The following GRID2 variants were observed in gnomAD, a reference collection of about 807,000 sequenced individuals.
The protein encoded by GRID2 is glutamate ionotropic receptor delta type subunit 2, also known as glutamate receptor ionotropic, delta-2.
In GRID2, 33 loss-of-function variants were observed where a neutral mutation model predicts 114.8. The ratio of observed to expected loss-of-function variants is 0.29; its 90% CI spans 0.22 to 0.38. The LOEUF (loss-of-function observed/expected upper bound fraction) is 0.38, where lower values mean the gene tolerates loss of function less well. Ranked by LOEUF, GRID2 falls within the 10% of genes least tolerant of loss-of-function variation. GRID2 has a pLI of 1.00. For synonymous variants in GRID2, 505 were observed against 449.9 expected, an observed-to-expected ratio of 1.12 and a Z score of -1.55; for missense variants, 1,184 against 1,257.7, an observed-to-expected ratio of 0.94 and a Z score of 0.89.
intron 1 of GRID2, among the ~76,000 whole-genome samples, chr4:92,582,696 C>CT (rs1728238652): frequency 6.6e-6 from 1 of 151,814 alleles, no homozygotes; most frequent in African/African-American, 2.4e-5. Flanking sequence ...GGTGTTGTGG[C>CT]TTATGCCTGT....
chr4:93,479,499 T>C (rs1040830422), intron 11 of GRID2, among the ~76,000 whole-genome samples: 14 of 152,026 alleles, frequency 9.2e-5, no homozygotes, highest in Admixed American at 9.2e-4. Context: ...CTAGAGATTC[T>C]GAAACACTAA....
chr4:92,962,130 G>T (rs529899702), intron 2 of GRID2, among the ~76,000 whole-genome samples: 83 of 151,934 alleles, frequency 5.5e-4, no homozygotes, highest in African/African-American at 2.0e-3. Context: ...AAAATTCCCA[G>T]TCTGATAATT....
intron 2 of GRID2, among the ~76,000 whole-genome samples, chr4:92,814,727 A>G (rs751105873): frequency 2.0e-5 from 3 of 152,156 alleles, no homozygotes; most frequent in Non-Finnish European, 4.4e-5. Flanking sequence ...ATGCAAAGCA[A>G]CTTAAGGGGG....
chr4:92,392,819 G>A (rs912345469), intron 1 of GRID2, among the ~76,000 whole-genome samples: 1 of 151,664 alleles, frequency 6.6e-6, no homozygotes, highest in South Asian at 2.1e-4. Flanking sequence ...TTTCTTTATC[G>A]CCTTCCTTAC....
At chr4:93,097,077 A>G (rs1302311899) in intron 3 of GRID2, among the ~76,000 whole-genome samples, 1 of 152,012 alleles carries the variant, frequency 6.6e-6, no homozygotes, top group Non-Finnish European at 1.5e-5. Context: ...AAGTCCAGTA[A>G]ATACAAAACT....
chr4:93,150,701 G>A (rs1331582155), intron 4 of GRID2, among the ~76,000 whole-genome samples: 1 of 151,840 alleles, frequency 6.6e-6, no homozygotes. Context: ...GTGCTCCCTT[G>A]TCCCTATTTG....
chr4:92,411,653 G>GTATATA (rs770186876), intron 1 of GRID2, among the ~76,000 whole-genome samples: 1,089 of 98,744 alleles, frequency 0.011, 19 homozygotes, highest in Admixed American at 0.015. Flanking sequence ...GTGTGTGTGT[G>GTATATA]TGTATATATA....
intron 10 of GRID2, among the ~76,000 whole-genome samples, chr4:93,429,625 T>C (rs1769207979): frequency 6.6e-6 from 1 of 151,964 alleles, no homozygotes; most frequent in South Asian, 2.1e-4. Context: ...ATGACAAGAA[T>C]TTTACTCCCC....
chr4:92,778,959 C>A (rs1396853211), intron 2 of GRID2, among the ~76,000 whole-genome samples: 1 of 152,014 alleles, frequency 6.6e-6, no homozygotes, highest in Non-Finnish European at 1.5e-5. Flanking sequence ...AAGAATGACA[C>A]CCTATCACCC....
intron 4 of GRID2, among the ~76,000 whole-genome samples, chr4:93,205,990 C>A (rs907337013): frequency 1.3e-5 from 2 of 152,084 alleles, no homozygotes; most frequent in Admixed American, 1.3e-4. Context: ...CCTTCGCTCA[C>A]TTCACACCAG....
intron 9 of GRID2, among the ~76,000 whole-genome samples, chr4:93,410,802 C>T (rs1579991181): frequency 6.6e-6 from 1 of 152,188 alleles, no homozygotes; most frequent in African/African-American, 2.4e-5. Flanking sequence ...AGGCTGATCT[C>T]GAACTCCTGA....
At chr4:93,474,752 A>G (rs1475652449) in intron 11 of GRID2, among the ~76,000 whole-genome samples, 2 of 152,080 alleles carry the variant, frequency 1.3e-5, no homozygotes, top group African/African-American at 4.8e-5. Context: ...GCCTGTGATC[A>G]TATATTGTAT....
At chr4:92,554,048 TAAACATGAA>T (rs1197031100) in intron 1 of GRID2, among the ~76,000 whole-genome samples, 2 of 152,170 alleles carry the variant, frequency 1.3e-5, no homozygotes, top group South Asian at 4.1e-4. Flanking sequence ...AACATTATGT[TAAACATGAA>T]AAACATGAAA....
chr4:93,327,868 T>C (rs1560503799), intron 8 of GRID2, among the ~76,000 whole-genome samples: 1 of 152,094 alleles, frequency 6.6e-6, no homozygotes, highest in Non-Finnish European at 1.5e-5. Flanking sequence ...AAATTACACT[T>C]GTACCCCATA....
chr4:93,230,449 T>C (rs546989979), intron 7 of GRID2, among the ~76,000 whole-genome samples: 1 of 152,264 alleles, frequency 6.6e-6, no homozygotes, highest in South Asian at 2.1e-4. Context: ...GAAAAGAGGA[T>C]TTTTAAAAAT....
chr4:93,425,461 G>A (rs1219740850), intron 10 of GRID2, among the ~76,000 whole-genome samples: 1 of 152,082 alleles, frequency 6.6e-6, no homozygotes, highest in African/African-American at 2.4e-5. Flanking sequence ...GAAAGCCTGT[G>A]GTTCTCCTCA....
intron 1 of GRID2, among the ~76,000 whole-genome samples, chr4:92,559,013 T>C (rs2149180180): frequency 6.6e-6 from 1 of 152,288 alleles, no homozygotes; most frequent in Admixed American, 6.5e-5. Flanking sequence ...TGTTCTCCAG[T>C]TTTCAGCATA....
intron 8 of GRID2, among the ~76,000 whole-genome samples, chr4:93,387,555 C>T (rs1253307627): frequency 1.3e-5 from 2 of 151,986 alleles, no homozygotes; most frequent in African/African-American, 4.8e-5. Context: ...ACAGGCCAGG[C>T]GCGGTGGCTG....
rs527818469 is a variant in GRID2, at chr4:92,970,967, C to T, written c.245-114028C>T. 8.1e-4 allele frequency among the ~76,000 whole-genome samples: 123 copies of T among 151,274 alleles called. 1 individual carries two copies. The highest frequency in any genetic ancestry group is 1.4e-3 in the Non-Finnish European group (97 of 67,770). On this transcript the variant is annotated intron_variant, in intron 2 of 15. Transcript: ENST00000282020. ...CACATTGCATATATATGTATATATA[C>T]ATCGTGCGTGTATGTGTGTCTGTGT...
Sources: gnomAD v4.1 joint callset for allele counts (sites outside exome capture counted in the v4.1 genomes callset) on GRCh38, gnomAD v4.1.1 for gene constraint, MANE v1.5 for transcripts, NCBI Gene and HGNC (gene_info 2026-07-23, HGNC 2026-07-21) for gene names.